SSBP2: variants seen among roughly 807,000 people sequenced by gnomAD.
The protein encoded by SSBP2 is single stranded DNA binding protein 2, also known as single-stranded DNA-binding protein 2.
In SSBP2, 17 loss-of-function variants were observed where a neutral mutation model predicts 61.8. The ratio of observed to expected loss-of-function variants is 0.28; its 90% CI spans 0.19 to 0.41. The LOEUF (loss-of-function observed/expected upper bound fraction) is 0.41. Among genes scored for constraint, SSBP2 ranks in the 10% least tolerant of loss-of-function variants. The pLI is 1.00. For synonymous variants in SSBP2, 139 were observed against 141.3 expected (o/e 0.98, Z 0.12); for missense variants, 310 against 458.7 (o/e 0.68, Z 2.96).
chr5:81,723,079 TA>T (rs1432236103), intron 1 of SSBP2, among the ~76,000 whole-genome samples: 1 of 152,028 alleles, frequency 6.6e-6, no homozygotes, highest in East Asian at 1.9e-4. Context: ...TTATGCTAAT[TA>T]AAGAAGTTTT....
At chr5:81,507,756 T>C (rs974900172) in intron 5 of SSBP2, among the ~76,000 whole-genome samples, 51 of 152,152 alleles carry the variant, frequency 3.4e-4, no homozygotes, top group Non-Finnish European at 1.0e-4. Flanking sequence ...GTCCATTGCA[T>C]TAATGTTCTA....
chr5:81,506,434 T>C (rs1768185444), intron 5 of SSBP2, among the ~76,000 whole-genome samples: 1 of 152,182 alleles, frequency 6.6e-6, no homozygotes, highest in Admixed American at 6.5e-5. Context: ...AGAGTTTCAG[T>C]ACCCTACTCA....
At chr5:81,714,608 T>C (rs1755050359) in intron 1 of SSBP2, among the ~76,000 whole-genome samples, 1 of 152,226 alleles carries the variant, frequency 6.6e-6, no homozygotes, top group African/African-American at 2.4e-5. Context: ...TGGCATGAGA[T>C]GGTATCTCAT....
At chr5:81,581,715 C>T (rs1561563230) in intron 4 of SSBP2, among the ~76,000 whole-genome samples, 1 of 152,076 alleles carries the variant, frequency 6.6e-6, no homozygotes, top group African/African-American at 2.4e-5. Flanking sequence ...TCTTGTTCTC[C>T]TAATGGAGGC....
intron 1 of SSBP2, among the ~76,000 whole-genome samples, chr5:81,737,567 G>A (rs944146813): frequency 6.6e-6 from 1 of 151,926 alleles, no homozygotes; most frequent in East Asian, 1.9e-4. Context: ...CGGATCACGA[G>A]GTCAGGAGAC....
intron 4 of SSBP2, among the ~76,000 whole-genome samples, chr5:81,522,457 G>A (rs1580909306): frequency 6.6e-6 from 1 of 151,868 alleles, no homozygotes; most frequent in African/African-American, 2.4e-5. Flanking sequence ...GAAAATGATT[G>A]TTTACTCACA....
intron 1 of SSBP2, among the ~76,000 whole-genome samples, chr5:81,683,537 T>C (rs1460386048): frequency 6.6e-6 from 1 of 152,134 alleles, no homozygotes; most frequent in African/African-American, 2.4e-5. Flanking sequence ...TCCTAGAAGA[T>C]AACATAGGAG....
At chr5:81,471,344 T>C (rs1765232302) in intron 8 of SSBP2, among the ~76,000 whole-genome samples, 1 of 151,858 alleles carries the variant, frequency 6.6e-6, no homozygotes. Context: ...CAGATTCTAG[T>C]TTTTGAAGTA....
chr5:81,559,139 G>C (rs962560439), intron 4 of SSBP2, among the ~76,000 whole-genome samples: 1 of 151,924 alleles, frequency 6.6e-6, no homozygotes, highest in Non-Finnish European at 1.5e-5. Flanking sequence ...TGTAATCCCA[G>C]CACTTTGAGA....
Position 81,702,353 on chromosome 5 carries a change from G to C in SSBP2, c.62+48628C>G, listed in dbSNP as rs185144514. On this transcript the variant is annotated intron_variant, in intron 1 of 16. Transcript: ENST00000320672. ...GCCACTGCACTCCAGTCTGGCAACA[G>C]AGCGAGACTCCCATCTCAAAAAAAC... is the stretch of plus-strand genomic sequence containing the variant. Among the ~76,000 whole-genome samples, 478 of 152,196 alleles carry C rather than the reference G, an allele frequency of 3.1e-3. 2 individuals are homozygous for C. The highest frequency in any genetic ancestry group is 0.011 in the African/African-American group (456 of 41,560).
intron 4 of SSBP2, among the ~76,000 whole-genome samples, chr5:81,541,648 G>A (rs898937155): frequency 6.6e-6 from 1 of 152,120 alleles, no homozygotes; most frequent in African/African-American, 2.4e-5. Flanking sequence ...CTTTGACAAA[G>A]TAGACAAAAA....
chr5:81,619,496 T>A (rs1470534800), intron 3 of SSBP2, among the ~76,000 whole-genome samples: 2 of 138,790 alleles, frequency 1.4e-5, no homozygotes, highest in East Asian at 4.2e-4. Flanking sequence ...CAGGACCAGA[T>A]GGATTCACAG....
At chr5:81,644,232 A>G (rs1290475891) in intron 2 of SSBP2, among the ~76,000 whole-genome samples, 1 of 152,160 alleles carries the variant, frequency 6.6e-6, no homozygotes, top group African/African-American at 2.4e-5. Flanking sequence ...AAAGAGGACT[A>G]CCTCTTATTG....
intron 1 of SSBP2, among the ~76,000 whole-genome samples, chr5:81,690,625 T>C (rs1753133021): frequency 6.6e-6 from 1 of 152,060 alleles, no homozygotes; most frequent in African/African-American, 2.4e-5. Context: ...AATAGAATAA[T>C]AGCTGGAGAC....
intron 5 of SSBP2, among the ~76,000 whole-genome samples, chr5:81,509,109 C>A (rs1026913339): frequency 6.6e-6 from 1 of 152,158 alleles, no homozygotes; most frequent in Non-Finnish European, 1.5e-5. Flanking sequence ...TTGACTAAGT[C>A]TCTTTTGAAC....
At chr5:81,600,978 C>T (rs939984270) in intron 4 of SSBP2, among the ~76,000 whole-genome samples, 13 of 152,040 alleles carry the variant, frequency 8.6e-5, no homozygotes, top group East Asian at 3.9e-4. Flanking sequence ...CTCTTACATA[C>T]GAAAGCAAAA....
chr5:81,737,947 T>G (rs1288859929), intron 1 of SSBP2, among the ~76,000 whole-genome samples: 1 of 152,188 alleles, frequency 6.6e-6, no homozygotes, highest in Non-Finnish European at 1.5e-5. Flanking sequence ...TCCGTTCTTT[T>G]CAATCTCAAT....
chr5:81,737,294 T>TAA (rs5869085), intron 1 of SSBP2, among the ~76,000 whole-genome samples: 7 of 139,062 alleles, frequency 5.0e-5, no homozygotes, highest in Non-Finnish European at 9.4e-5. Context: ...TTCTCCAAGT[T>TAA]AAAAAAAAAA....
rs568840748 is a variant in SSBP2 at position 81,582,914 on chromosome 5, T to C, written c.282+32559A>G. ...GGCCTTACTGTCTTCTTTTAACATA[T>C]AGATTTCCTAAAATATAAATAACAG... On this transcript the variant is annotated intron_variant, in intron 4 of 16. Coordinates refer to ENST00000320672, the MANE Select transcript of SSBP2 (RefSeq NM_012446.5). Among the ~76,000 whole-genome samples, 49 of 152,162 alleles carry C rather than the reference T, an allele frequency of 3.2e-4. No homozygotes were observed. The South Asian group carries it at 5.6e-3, about 17-fold the overall frequency.
Sources: gnomAD v4.1 joint callset for allele counts (sites outside exome capture counted in the v4.1 genomes callset) on GRCh38, gnomAD v4.1.1 for gene constraint, MANE v1.5 for transcripts, NCBI Gene and HGNC (gene_info 2026-07-23, HGNC 2026-07-21) for gene names.